WIPF1: variants seen among roughly 807,000 people sequenced by gnomAD.
WIPF1 encodes WAS/WASL-interacting protein family member 1.
A neutral mutation model predicts 35.4 loss-of-function variants in WIPF1; 13 were observed. That is an observed-to-expected ratio of 0.37 (90% CI 0.24 to 0.58). The LOEUF is 0.58. Ranked by LOEUF, WIPF1 falls within the 20% of genes least tolerant of loss-of-function variation. WIPF1 has a pLI of 0.74. For missense variants in WIPF1, 591 were observed against 667.0 expected (o/e 0.89, Z 1.25); for synonymous variants, 267 against 266.3 (o/e 1.00, Z -0.02).
At chr2:174,567,283 A>G in intron 6 of WIPF1, 100 bp from the exon 7 acceptor site, 1 of 1,116,160 alleles carries the variant, frequency 9.0e-7, no homozygotes, top group Non-Finnish European at 1.3e-6. Flanking sequence ...AACCACAGAC[A>G]TCAGTGCTAG....
At chr2:174,650,095 C>A (rs897313222) in intron 1 of WIPF1, among the ~76,000 whole-genome samples, 4 of 152,128 alleles carry the variant, frequency 2.6e-5, no homozygotes, top group Non-Finnish European at 5.9e-5. Flanking sequence ...AGGCAGTGAG[C>A]ACCTCAGAAA....
intron 1 of WIPF1, among the ~76,000 whole-genome samples, chr2:174,649,993 C>G (rs1200987628): frequency 6.6e-6 from 1 of 152,134 alleles, no homozygotes; most frequent in Non-Finnish European, 1.5e-5. Context: ...TCTAAATCAC[C>G]CTTCTTTCTG....
chr2:174,607,085 TGATAAGGAC>T (rs1378062661), intron 1 of WIPF1, among the ~76,000 whole-genome samples: 1 of 152,162 alleles, frequency 6.6e-6, no homozygotes, highest in African/African-American at 2.4e-5. Flanking sequence ...CCTAGTCCCA[TGATAAGGAC>T]ATTAATTCAT....
At chr2:174,563,235 T>C (rs1009634283) in intron 7 of WIPF1, among the ~76,000 whole-genome samples, 2 of 152,230 alleles carry the variant, frequency 1.3e-5, no homozygotes, top group Non-Finnish European at 2.9e-5. Flanking sequence ...AAGTTAGTGA[T>C]GTTGAACACC....
At chr2:174,564,850 C>T (rs1684602484) in intron 7 of WIPF1, among the ~76,000 whole-genome samples, 1 of 150,312 alleles carries the variant, frequency 6.7e-6, no homozygotes, top group Admixed American at 6.6e-5. Context: ...CACACACACA[C>T]ACCATTCAAA....
At chr2:174,568,517 A>G (rs1684736889) in intron 5 of WIPF1, 3 of 156,050 alleles carry the variant, frequency 1.9e-5, no homozygotes, top group African/African-American at 7.2e-5. Flanking sequence ...AGTTCTTTAA[A>G]TGCATAGTTT....
At position 174,582,696 on chromosome 2, in the gene WIPF1, TACAGGC is replaced by T. The variant is rs1223456786; in HGVS notation, c.52-1263_52-1258del. On this transcript the variant is annotated intron_variant, in intron 2 of 7. Transcript: ENST00000679041. The stretch of plus-strand genomic sequence containing the variant: ...CCTCAGCCTCCTGAGTAGTTGGGAT[TACAGGC>T]ACGAGCTACTGCTCCTGGCCTAACT... 9.8e-5 allele frequency among the ~76,000 whole-genome samples: 15 copies of T among 152,346 alleles called. No homozygotes were observed. The East Asian group carries it at 2.7e-3, about 27-fold the overall frequency.
chr2:174,670,845 A>AT (rs1688001411), intron 1 of WIPF1, among the ~76,000 whole-genome samples: 1 of 151,926 alleles, frequency 6.6e-6, no homozygotes, highest in South Asian at 2.1e-4. Context: ...AATGCCCTCC[A>AT]AAGCACTTAC....
rs541922970 is a variant in WIPF1 at position 174,677,814 on chromosome 2, G to T, written c.-39+4960C>A. On this transcript the variant is annotated intron_variant, in intron 1 of 8. Coordinates refer to the WIPF1 transcript ENST00000272746. ...ATGGCAATGCAACAGCATACGAAAG[G>T]AAAGTGCAGTTTAGCTGGAACCCAG... Among the ~76,000 whole-genome samples, 7 of 152,308 alleles carry T rather than the reference G, an allele frequency of 4.6e-5. No homozygotes were observed. In the South Asian group the frequency reaches 1.4e-3, roughly 32 times the overall value.
intron 1 of WIPF1, among the ~76,000 whole-genome samples, chr2:174,638,994 T>C (rs1318626672): frequency 6.6e-6 from 1 of 152,214 alleles, no homozygotes; most frequent in Non-Finnish European, 1.5e-5. Flanking sequence ...TTGTTTCTTT[T>C]TTCTTTTTTG....
chr2:174,643,955 C>G (rs1687349580), intron 1 of WIPF1, among the ~76,000 whole-genome samples: 4 of 152,212 alleles, frequency 2.6e-5, no homozygotes, highest in Admixed American at 2.0e-4. Flanking sequence ...ACATATGACT[C>G]CTAAAGATGG....
chr2:174,604,226 G>T (rs770670160), intron 1 of WIPF1, among the ~76,000 whole-genome samples: 2 of 152,156 alleles, frequency 1.3e-5, no homozygotes, highest in African/African-American at 4.8e-5. Flanking sequence ...CTGTGACAAA[G>T]AATCTTTTGA....
upstream of WIPF1, among the ~76,000 whole-genome samples, chr2:174,598,539 G>T (rs930708682): frequency 3.9e-5 from 6 of 152,142 alleles, no homozygotes; most frequent in African/African-American, 1.4e-4. Context: ...GCCTGGTCTT[G>T]CACTCCTAGC....
At chr2:174,586,380 T>G (rs1348329372) in intron 1 of WIPF1, among the ~76,000 whole-genome samples, 2 of 152,154 alleles carry the variant, frequency 1.3e-5, no homozygotes, top group African/African-American at 2.4e-5. Context: ...TAGCTTTGTT[T>G]GGGTAAAAAA....
At chr2:174,669,132 T>A (rs984939326) in intron 1 of WIPF1, among the ~76,000 whole-genome samples, 6 of 152,228 alleles carry the variant, frequency 3.9e-5, no homozygotes, top group Admixed American at 3.9e-4. Context: ...GTAATCTAAA[T>A]AGGAATAATT....
chr2:174,632,320 TG>T (rs1687047243), intron 1 of WIPF1, among the ~76,000 whole-genome samples: 1 of 151,756 alleles, frequency 6.6e-6, no homozygotes, highest in Non-Finnish European at 1.5e-5. Context: ...CACAGCGCAG[TG>T]AAAGTGGAAA....
chr2:174,680,236 A>T (rs773058783), intron 1 of WIPF1, among the ~76,000 whole-genome samples: 4 of 152,254 alleles, frequency 2.6e-5, no homozygotes, highest in Non-Finnish European at 4.4e-5. Flanking sequence ...CCTAGCACAG[A>T]GGATAGCTAT....
At chr2:174,586,217 T>C (rs991733738) in intron 1 of WIPF1, among the ~76,000 whole-genome samples, 2 of 152,178 alleles carry the variant, frequency 1.3e-5, no homozygotes, top group East Asian at 3.9e-4. Flanking sequence ...GTCAACCTTA[T>C]GTTTGGAGCA....
At position 174,561,546 on chromosome 2, in the gene WIPF1, C is replaced by G. The variant is rs1430180; in HGVS notation, c.*1001G>C. ...CCACATGACTTTAGTAAACCGTACT[C>G]AATCAATTTCTGACCTTGGTACTTT... On this transcript the variant is annotated 3_prime_UTR_variant, in exon 8 of 8. Coordinates refer to ENST00000679041, the MANE Select transcript of WIPF1 (RefSeq NM_001375834.1). 0.97 allele frequency: 148,995 copies of G among 153,252 alleles called. 72,559 individuals are homozygous for G. The highest frequency in any genetic ancestry group is 1 in the Non-Finnish European group (68,596 of 68,710). 9.5% of individuals were successfully genotyped at this position (153,252 alleles called of 1,614,324 possible). A position where few individuals can be genotyped will look rare whatever the true frequency, so the allele number is the denominator to read the frequency against.
Sources: allele counts gnomAD v4.1 joint callset (sites outside exome capture counted in the v4.1 genomes callset), GRCh38; gene constraint gnomAD v4.1.1; transcripts MANE v1.5; gene names NCBI Gene and HGNC (gene_info 2026-07-23, HGNC 2026-07-21).